Variants in PPFIA2 observed in about 807,000 individuals in gnomAD.
PPFIA2 encodes PPFI scaffold protein A2, also known as liprin-alpha-2.
In PPFIA2, 46 loss-of-function variants were observed where a neutral mutation model predicts 175.5. The observed-to-expected ratio is 0.26, with a 90% confidence interval of 0.21 to 0.34. PPFIA2 has a LOEUF of 0.34. Among genes scored for constraint, PPFIA2 ranks in the 10% least tolerant of loss-of-function variants. The probability of loss-of-function intolerance (pLI) is 1.00; values close to 1 mark genes in which losing one functional copy is unlikely to be tolerated. For missense variants in PPFIA2, 1,179 were observed against 1,506.1 expected (o/e 0.78, Z 3.60); for synonymous variants, 568 against 511.4 (o/e 1.11, Z -1.49).
intron 3 of PPFIA2, among the ~76,000 whole-genome samples, chr12:81,714,279 G>A (rs1457332531): frequency 1.3e-5 from 2 of 150,938 alleles, no homozygotes; most frequent in Non-Finnish European, 3.0e-5. Flanking sequence ...TTAAGTGCTG[G>A]CTGATATATT....
chr12:81,527,564 T>C (rs1430119298), intron 4 of PPFIA2, among the ~76,000 whole-genome samples: 1 of 152,130 alleles, frequency 6.6e-6, no homozygotes, highest in South Asian at 2.1e-4. Context: ...TATGTCCAAA[T>C]GGAACCTTCT....
intron 3 of PPFIA2, among the ~76,000 whole-genome samples, chr12:81,722,997 T>C (rs2079549461): frequency 6.6e-6 from 1 of 151,058 alleles, no homozygotes. Context: ...ATTAGCAATA[T>C]ATAACACCAA....
intron 29 of PPFIA2, 99 bp from the exon 30 acceptor site, chr12:81,267,119 T>C: frequency 1.1e-6 from 1 of 927,058 alleles, no homozygotes. Flanking sequence ...AAACCATACT[T>C]TATTTATGGG....
chr12:81,699,223 T>C (rs977253500), intron 3 of PPFIA2, among the ~76,000 whole-genome samples: 2 of 152,086 alleles, frequency 1.3e-5, no homozygotes, highest in African/African-American at 4.8e-5. Flanking sequence ...AAGATGACTT[T>C]AATGGTGACT....
chr12:81,458,349 T>C (rs2053936761), intron 4 of PPFIA2, among the ~76,000 whole-genome samples: 2 of 7,924 alleles, frequency 2.5e-4, no homozygotes, highest in Non-Finnish European at 4.2e-4. Context: ...CCTTTTTTTT[T>C]TTTTACAAAA....
intron 4 of PPFIA2, among the ~76,000 whole-genome samples, chr12:81,664,970 A>G (rs2069830216): frequency 6.8e-6 from 1 of 146,420 alleles, no homozygotes; most frequent in Non-Finnish European, 1.5e-5. Context: ...TCTCACTCAT[A>G]GGTGGGAATT....
intron 27 of PPFIA2, 84 bp from the exon 28 acceptor site, chr12:81,277,498 C>T (rs1450301945): frequency 1.6e-6 from 2 of 1,285,536 alleles, no homozygotes; most frequent in African/African-American, 3.1e-5. Flanking sequence ...ATAGTCAACA[C>T]TATGCACTGC....
At chr12:81,544,659 G>A (rs2153351796) in intron 4 of PPFIA2, among the ~76,000 whole-genome samples, 1 of 152,146 alleles carries the variant, frequency 6.6e-6, no homozygotes, top group African/African-American at 2.4e-5. Flanking sequence ...AGAACTGCAT[G>A]CTTTTGCTAT....
At chr12:81,411,572 C>G (rs548542560) in intron 7 of PPFIA2, among the ~76,000 whole-genome samples, 1 of 152,154 alleles carries the variant, frequency 6.6e-6, no homozygotes, top group East Asian at 1.9e-4. Flanking sequence ...CTGCAAAATT[C>G]TTTAGCCTTC....
At chr12:81,310,221 G>C (rs2050426785) in intron 22 of PPFIA2, among the ~76,000 whole-genome samples, 1 of 152,086 alleles carries the variant, frequency 6.6e-6, no homozygotes, top group Non-Finnish European at 1.5e-5. Context: ...CATGTAGCAA[G>C]TAAGTGGGGA....
chr12:81,516,231 A>G (rs1358583774), intron 4 of PPFIA2, among the ~76,000 whole-genome samples: 1 of 152,052 alleles, frequency 6.6e-6, no homozygotes, highest in Non-Finnish European at 1.5e-5. Context: ...GATAGATTCT[A>G]CTTATTTGTA....
At chr12:81,511,666 T>A (rs2061814626) in intron 4 of PPFIA2, among the ~76,000 whole-genome samples, 1 of 152,010 alleles carries the variant, frequency 6.6e-6, no homozygotes. Flanking sequence ...GGCATCTACA[T>A]CAGTATATGG....
At chr12:81,579,882 C>T (rs117222122) in intron 4 of PPFIA2, among the ~76,000 whole-genome samples, 673 of 151,830 alleles carry the variant, frequency 4.4e-3, no homozygotes, top group Non-Finnish European at 6.5e-3. Flanking sequence ...TTTTCTCCTA[C>T]ATATTTTCTG....
intron 3 of PPFIA2, among the ~76,000 whole-genome samples, chr12:81,739,661 A>T (rs2082098295): frequency 6.6e-6 from 1 of 152,042 alleles, no homozygotes; most frequent in African/African-American, 2.4e-5. Context: ...ATTAATAAAA[A>T]ATTTTGAACT....
chr12:81,429,014 AC>A (rs1386731101), intron 7 of PPFIA2, among the ~76,000 whole-genome samples: 6 of 152,088 alleles, frequency 3.9e-5, no homozygotes, highest in Non-Finnish European at 7.4e-5. Flanking sequence ...AAACAAACAA[AC>A]AAAAAATCTC....
At position 81,418,692 on chromosome 12, in the gene PPFIA2, T is replaced by A. The variant is rs554584692; in HGVS notation, c.646-12789A>T. 2.6e-3 allele frequency among the ~76,000 whole-genome samples: 388 copies of A among 152,038 alleles called. 1 individual carries two copies. Among genetic ancestry groups the A allele is most frequent in the Non-Finnish European group, 3.4e-3 (230 of 67,866 alleles). On this transcript the variant is annotated intron_variant, in intron 7 of 32. Coordinates refer to ENST00000549396, the MANE Select transcript of PPFIA2 (RefSeq NM_003625.5). ...CTGATACCTGGTCTAGTGGTTCTTG[T>A]CTATCTCTTTAAGGAAAAAAAAACT...
chr12:81,640,163 T>A (rs114937711), intron 4 of PPFIA2, among the ~76,000 whole-genome samples: 2 of 152,180 alleles, frequency 1.3e-5, no homozygotes, highest in African/African-American at 4.8e-5. Context: ...TGAAGGACTA[T>A]CATAAAATTT....
At chr12:81,303,903 G>T (rs922524348) in intron 22 of PPFIA2, among the ~76,000 whole-genome samples, 2 of 152,152 alleles carry the variant, frequency 1.3e-5, no homozygotes, top group Non-Finnish European at 2.9e-5. Context: ...GTGCAACTCT[G>T]GTTGAATGAC....
At chr12:81,645,408 C>A (rs1407925736) in intron 4 of PPFIA2, among the ~76,000 whole-genome samples, 1 of 152,052 alleles carries the variant, frequency 6.6e-6, no homozygotes, top group East Asian at 1.9e-4. Flanking sequence ...CACCACCCCT[C>A]AGCATAAACC....
Sources: gnomAD v4.1 joint callset for allele counts (sites outside exome capture counted in the v4.1 genomes callset) on GRCh38, gnomAD v4.1.1 for gene constraint, MANE v1.5 for transcripts, NCBI Gene and HGNC (gene_info 2026-07-23, HGNC 2026-07-21) for gene names.